The following PIAS2 variants were observed in gnomAD, a reference collection of about 807,000 sequenced individuals.
PIAS2 encodes the protein protein inhibitor of activated STAT 2.
A neutral mutation model predicts 69.7 loss-of-function variants in PIAS2; 19 were observed. That is an observed-to-expected ratio of 0.27 (90% CI 0.19 to 0.40). PIAS2 has a LOEUF of 0.40. Ranked by LOEUF, PIAS2 falls within the 10% of genes least tolerant of loss-of-function variation. PIAS2 has a pLI of 1.00. For synonymous variants in PIAS2, 261 were observed against 263.2 expected (o/e 0.99, Z 0.08); for missense variants, 624 against 757.0 (o/e 0.82, Z 2.06).
chr18:46,846,590 T>C, intron 6 of PIAS2, 117 bp downstream of exon 6: 1 of 1,049,118 alleles, frequency 9.5e-7, no homozygotes, highest in Middle Eastern at 2.3e-4. Context: ...AATTACTGCT[T>C]TTTAGAGATT....
upstream of PIAS2, chr18:46,917,664 C>T (rs1599226011): frequency 4.6e-6 from 3 of 648,312 alleles, no homozygotes; most frequent in East Asian, 4.0e-4. Flanking sequence ...GGCTTGGCCC[C>T]GCTCGGCCCC....
intron 10 of PIAS2, among the ~76,000 whole-genome samples, chr18:46,828,771 C>A (rs544478861): frequency 6.6e-6 from 1 of 152,288 alleles, no homozygotes; most frequent in South Asian, 2.1e-4. Flanking sequence ...AAGACAGTCT[C>A]ACATACCATA....
intron 2 of PIAS2, among the ~76,000 whole-genome samples, chr18:46,880,670 C>T (rs796424943): frequency 2.0e-5 from 3 of 152,260 alleles, no homozygotes; most frequent in African/African-American, 7.2e-5. Context: ...GGGGCTGACC[C>T]TCAAACATGT....
chr18:46,855,734 A>T, intron 3 of PIAS2, 119 bp from the exon 4 acceptor site: 1 of 733,434 alleles, frequency 1.4e-6, no homozygotes, highest in East Asian at 2.7e-5. Flanking sequence ...CTGAAAGGTG[A>T]TCAATATACT....
chr18:46,889,044 C>G (rs1165888381), intron 2 of PIAS2, among the ~76,000 whole-genome samples: 1 of 152,136 alleles, frequency 6.6e-6, no homozygotes, highest in Non-Finnish European at 1.5e-5. Flanking sequence ...AACAAAAGAA[C>G]AAAGCTGGAC....
At chr18:46,846,877 T>C (rs761299300) in intron 5 of PIAS2, 36 bp from the exon 6 acceptor site, 2 of 1,519,926 alleles carry the variant, frequency 1.3e-6, no homozygotes, top group Admixed American at 4.2e-5. Context: ...TTTCAAATCA[T>C]CTGCAGGAAG....
At chr18:46,890,396 T>C (rs1265149876) in intron 2 of PIAS2, among the ~76,000 whole-genome samples, 184 bp downstream of exon 2, 1 of 152,226 alleles carries the variant, frequency 6.6e-6, no homozygotes, top group Non-Finnish European at 1.5e-5. Context: ...AAAGATCAAA[T>C]GATATGAAAT....
At chr18:46,910,887 G>A (rs1264867730) in intron 1 of PIAS2, among the ~76,000 whole-genome samples, 1 of 152,140 alleles carries the variant, frequency 6.6e-6, no homozygotes, top group Admixed American at 6.5e-5. Flanking sequence ...CAACATTCGA[G>A]AACTCAGAAA....
intron 12 of PIAS2, chr18:46,818,099 T>C: frequency 9.8e-7 from 1 of 1,022,932 alleles, no homozygotes; most frequent in South Asian, 4.6e-5. Flanking sequence ...AATTTTAATT[T>C]AAAAATTTTA....
intron 2 of PIAS2, among the ~76,000 whole-genome samples, chr18:46,871,215 T>C (rs898529173): frequency 6.6e-6 from 1 of 152,076 alleles, no homozygotes; most frequent in Admixed American, 6.5e-5. Context: ...AAAAAGTATA[T>C]GTGAGAAGAG....
intron 1 of PIAS2, chr18:46,891,650 T>A: frequency 1.0e-6 from 1 of 958,712 alleles, no homozygotes; most frequent in East Asian, 1.2e-4. Context: ...TACATCTTAT[T>A]TAGCAGTCAA....
chr18:46,900,339 G>A (rs967022270), intron 1 of PIAS2, among the ~76,000 whole-genome samples: 6 of 151,622 alleles, frequency 4.0e-5, no homozygotes, highest in African/African-American at 7.3e-5. Context: ...CTCCAGCCTA[G>A]GTGACAGAGT....
intron 2 of PIAS2, among the ~76,000 whole-genome samples, chr18:46,868,405 A>C (rs544653657): frequency 7.2e-4 from 110 of 152,154 alleles, no homozygotes; most frequent in South Asian, 1.9e-3. Context: ...CCTCTTGCTG[A>C]GACAGCTCTC....
chr18:46,893,238 T>C (rs945596216), intron 1 of PIAS2, among the ~76,000 whole-genome samples: 8 of 152,226 alleles, frequency 5.3e-5, no homozygotes, highest in Non-Finnish European at 7.3e-5. Flanking sequence ...TTTCCCTCAA[T>C]CTTAGTAAAT....
chr18:46,917,531 C>T (rs1394483815), upstream of PIAS2: 12 of 1,149,134 alleles, frequency 1.0e-5, no homozygotes, highest in African/African-American at 3.3e-5. Context: ...GCTCCGCCTC[C>T]GACGCGCCGA....
At chr18:46,897,904 T>C (rs1455098521) in intron 1 of PIAS2, among the ~76,000 whole-genome samples, 2 of 151,808 alleles carry the variant, frequency 1.3e-5, no homozygotes, top group African/African-American at 4.8e-5. Flanking sequence ...CAGGATCTCG[T>C]TTTATTGCCC....
At chr18:46,919,225 G>C (rs1241776363), upstream of PIAS2, among the ~76,000 whole-genome samples, 2 of 151,848 alleles carry the variant, frequency 1.3e-5, no homozygotes, top group African/African-American at 2.4e-5. Context: ...TGTGGCCCAC[G>C]CTCTAAATTC....
rs1405963928 is a variant in PIAS2, at chr18:46,829,833, C to T, written c.1237G>A (p.Val413Ile). The change falls in exon 10 of 14, where the codon GTA (valine) becomes ATA (isoleucine). Residue 413 changes from valine (V) to isoleucine (I), a missense_variant. By Grantham distance (29) the Val-to-Ile change is conservative (BLOSUM62 3). Coordinates refer to ENST00000585916, the MANE Select transcript of PIAS2 (RefSeq NM_004671.5). ...FMEILNDCSD[V>I]DEIKFQEDGS... ...TCTTCTTGGAATTTGATCTCATCTA[C>T]ATCAGAACAGTCATTGAGAATTTCC... The T allele has an allele frequency of 8.7e-6, 14 of 1,613,024 alleles. No homozygotes were observed. Among genetic ancestry groups the T allele is most frequent in the Non-Finnish European group, 1.2e-5 (14 of 1,179,356 alleles).
At chr18:46,845,303 C>CAGAGTTCCAAAGTTCTAATTCTGGATT (rs2046003253) in intron 6 of PIAS2, among the ~76,000 whole-genome samples, 2 of 152,174 alleles carry the variant, frequency 1.3e-5, no homozygotes, top group Admixed American at 1.3e-4. Context: ...TGAATTAACA[C>CAGAGTTCCAAAGTTCTAATTCTGGATT]TGCAAATCCA....
Sources: gnomAD v4.1 joint callset for allele counts (sites outside exome capture counted in the v4.1 genomes callset) on GRCh38, gnomAD v4.1.1 for gene constraint, MANE v1.5 for transcripts, NCBI Gene and HGNC (gene_info 2026-07-23, HGNC 2026-07-21) for gene names.